Variants in CHIA observed in about 807,000 individuals in gnomAD.
CHIA encodes the protein acidic mammalian chitinase.
In CHIA, 47 loss-of-function variants were observed where a neutral mutation model predicts 53.5. The observed-to-expected ratio is 0.88, with a 90% CI of 0.70 to 1.12. The LOEUF (loss-of-function observed/expected upper bound fraction) is 1.12. Among genes scored for constraint, CHIA ranks in the 50% most tolerant of loss-of-function variants. The probability of loss-of-function intolerance (pLI) is 0.00; values close to 1 mark genes in which losing one functional copy is unlikely to be tolerated. For missense variants in CHIA, 652 were observed against 592.2 expected (o/e 1.10, Z -1.05); for synonymous variants, 268 against 222.2 (o/e 1.21, Z -1.83).
At chr1:111,296,749 CAGA>C (rs1329604132) in intron 1 of CHIA, among the ~76,000 whole-genome samples, 3 of 152,204 alleles carry the variant, frequency 2.0e-5, no homozygotes, top group Admixed American at 2.0e-4. Flanking sequence ...AAGTAGGCTT[CAGA>C]AGGTCGATAA....
chr1:111,317,653 TG>T, intron 6 of CHIA, 27 bp from the exon 7 acceptor site: 1 of 1,612,082 alleles, frequency 6.2e-7, no homozygotes, highest in Non-Finnish European at 8.5e-7. Flanking sequence ...GCATCATAGA[TG>T]TCCTATTATG....
At chr1:111,293,016 A>G (rs780881313) in intron 1 of CHIA, among the ~76,000 whole-genome samples, 3 of 149,416 alleles carry the variant, frequency 2.0e-5, no homozygotes, top group Non-Finnish European at 4.4e-5. Context: ...TGCATGTTTT[A>G]GCTATGGTGA....
At chr1:111,319,058 A>G in intron 9 of CHIA, 62 bp from the exon 10 acceptor site, 2 of 1,560,240 alleles carry the variant, frequency 1.3e-6, no homozygotes, top group Non-Finnish European at 1.7e-6. Context: ...GAAAAATTTG[A>G]AACATGTTTT....
At chr1:111,318,376 A>C in intron 8 of CHIA, 117 bp from the exon 9 acceptor site, 1 of 965,194 alleles carries the variant, frequency 1.0e-6, no homozygotes, top group Non-Finnish European at 1.5e-6. Context: ...TGAAAAAAAT[A>C]CTAATCCATC....
chr1:111,301,522 AC>A (rs1485029422), intron 1 of CHIA, among the ~76,000 whole-genome samples: 1 of 151,830 alleles, frequency 6.6e-6, no homozygotes, highest in Non-Finnish European at 1.5e-5. Flanking sequence ...ACACAGTGAA[AC>A]CCCGTCTCTA....
chr1:111,316,957 T>G lies in CHIA; in HGVS notation c.481-724T>G, dbSNP rs546838967. The G allele has an allele frequency of 1.1e-4, 17 of 152,344 alleles. No homozygotes were observed. The South Asian group carries it at 1.2e-3, about 11-fold the overall frequency. 9.4% of individuals were successfully genotyped at this position (152,344 alleles called of 1,614,324 possible). Reference sequence around the variant, plus strand: ...GGTCATTGTTTCTAGTTCTTCCTGCTGAAGCAACAGAGAATAAGACTGCAT... The same window carrying G: ...GGTCATTGTTTCTAGTTCTTCCTGCGGAAGCAACAGAGAATAAGACTGCAT... On this transcript the variant is annotated intron_variant, in intron 6 of 11. Coordinates refer to ENST00000369740, the MANE Select transcript of CHIA (RefSeq NM_201653.4).
chr1:111,316,847 C>T (rs922584790), intron 6 of CHIA: 1 of 152,184 alleles, frequency 6.6e-6, no homozygotes, highest in African/African-American at 2.4e-5. Flanking sequence ...AGTCAATTTA[C>T]TTACTTGTTG....
At chr1:111,300,753 C>G (rs1432773649) in intron 1 of CHIA, among the ~76,000 whole-genome samples, 1 of 152,146 alleles carries the variant, frequency 6.6e-6, no homozygotes, top group African/African-American at 2.4e-5. Flanking sequence ...AACTAAAGAG[C>G]TTCTGCACGG....
chr1:111,312,252 C>A lies in CHIA; in HGVS notation c.118C>A (p.Arg40Ser). 2.5e-6 allele frequency: 4 copies of A among 1,614,048 alleles called. No individual in the cohort carries two copies. Among genetic ancestry groups the A allele is most frequent in the East Asian group, 2.2e-5 (1 of 44,884 alleles). Residue 40 changes from arginine to serine, a missense_variant, in exon 4 of 12, where the codon CGC becomes AGC. Arg to Ser is a moderately radical substitution (Grantham distance 110). Transcript: ENST00000369740. Reference protein sequence around the residue: ...NWAQYRPGLGRFMPDNIDPCL... With the variant: ...NWAQYRPGLGSFMPDNIDPCL... ...GGCCCAGTACCGGCCAGGCCTGGGG[C>A]GCTTCATGCCTGACAACATCGACCC...
rs766465219 is a variant in CHIA, at chr1:111,310,471, A to T, written c.4A>T (p.Thr2Ser). Reference sequence around the variant, plus strand: ...GGGACTGGTGCTGACTGCAACCATGACAAAGCTTATTCTCCTCACAGGTGG... The same window carrying T: ...GGGACTGGTGCTGACTGCAACCATGTCAAAGCTTATTCTCCTCACAGGTGG... M[T>S]KLILLTGLVL... The change falls in exon 2 of 12, where the codon ACA (threonine) becomes TCA (serine). Residue 2 changes from threonine to serine, a missense_variant. Thr to Ser is a moderately conservative substitution (Grantham distance 58). Coordinates refer to ENST00000369740, the MANE Select transcript of CHIA (RefSeq NM_201653.4). 4.3e-6 allele frequency: 7 copies of T among 1,614,222 alleles called. No individual in the cohort carries two copies. The highest frequency in any genetic ancestry group is 3.3e-4 in the Middle Eastern group (2 of 6,062).
chr1:111,296,099 G>A (rs966354920), intron 1 of CHIA, among the ~76,000 whole-genome samples: 2 of 152,222 alleles, frequency 1.3e-5, no homozygotes, highest in South Asian at 2.1e-4. Flanking sequence ...CAGCAAGGCT[G>A]GCTGCCTCTA....
chr1:111,316,560 A>T (rs1649174603), intron 6 of CHIA: 1 of 152,240 alleles, frequency 6.6e-6, no homozygotes, highest in Non-Finnish European at 1.5e-5. Context: ...TTTGATTTTA[A>T]TGCTATTAAC....
chr1:111,305,472 G>A (rs1470068475), intron 1 of CHIA, among the ~76,000 whole-genome samples: 1 of 152,208 alleles, frequency 6.6e-6, no homozygotes, highest in East Asian at 1.9e-4. Context: ...TGCCCACCCT[G>A]GCTCCCACAA....
intron 1 of CHIA, among the ~76,000 whole-genome samples, chr1:111,293,035 A>T (rs1228194113): frequency 7.4e-6 from 1 of 135,152 alleles, no homozygotes; most frequent in African/African-American, 3.0e-5. Flanking sequence ...GAGTAATGTT[A>T]CTGTGAACAT....
At chr1:111,294,523 C>G (rs1377356636) in intron 1 of CHIA, among the ~76,000 whole-genome samples, 1 of 152,076 alleles carries the variant, frequency 6.6e-6, no homozygotes, top group Non-Finnish European at 1.5e-5. Context: ...CACTTCCTTC[C>G]CAAATTGGAT....
At chr1:111,306,061 T>G (rs1326909345) in intron 1 of CHIA, among the ~76,000 whole-genome samples, 1 of 152,202 alleles carries the variant, frequency 6.6e-6, no homozygotes, top group Non-Finnish European at 1.5e-5. Context: ...TTATGAAACT[T>G]TATTAACAGA....
rs373581065 is a variant in CHIA at position 111,304,225 on chromosome 1, T to C, written c.-68-6175T>C. Among the ~76,000 whole-genome samples, 24 of 152,212 alleles carry C rather than the reference T, an allele frequency of 1.6e-4. No homozygotes were observed. The East Asian group carries it at 2.5e-3, about 16-fold the overall frequency. ...TGTGTCTTGCGTGGATTTCTTTGAG[T>C]TCATCTTACTTGGAGTTCGCTGAGT... On this transcript the variant is annotated intron_variant, in intron 1 of 11. Transcript: ENST00000369740.
intron 1 of CHIA, among the ~76,000 whole-genome samples, chr1:111,307,620 A>G (rs993025636): frequency 1.3e-5 from 2 of 151,840 alleles, no homozygotes; most frequent in African/African-American, 4.8e-5. Context: ...TAGGTGATGG[A>G]GAAAAGGTTT....
intron 11 of CHIA, among the ~76,000 whole-genome samples, chr1:111,319,788 G>A (rs1649508162): frequency 2.0e-5 from 3 of 152,162 alleles, no homozygotes; most frequent in Non-Finnish European, 4.4e-5. Context: ...ATCTTTCTCA[G>A]CCCACCTGGG....
Sources: allele counts gnomAD v4.1 joint callset (sites outside exome capture counted in the v4.1 genomes callset), GRCh38; gene constraint gnomAD v4.1.1; transcripts MANE v1.5; gene names NCBI Gene and HGNC (gene_info 2026-07-23, HGNC 2026-07-21).